The following DLGAP3 variants were observed in gnomAD, a reference collection of about 807,000 sequenced individuals.
The protein encoded by DLGAP3 is disks large-associated protein 3.
DLGAP3 carries 17 observed loss-of-function variants against 81.2 expected under a neutral mutation model. The observed-to-expected ratio is 0.21, with a 90% CI of 0.14 to 0.31. DLGAP3 has a LOEUF of 0.31. Ranked by LOEUF, DLGAP3 falls within the 10% of genes least tolerant of loss-of-function variation. The probability of loss-of-function intolerance (pLI) is 1.00; values close to 1 mark genes in which losing one functional copy is unlikely to be tolerated. For synonymous variants in DLGAP3, 577 were observed against 587.4 expected, an observed-to-expected ratio of 0.98 and a Z score of 0.26; for missense variants, 1,124 against 1,388.0, an observed-to-expected ratio of 0.81 and a Z score of 3.02.
intron 5 of DLGAP3, among the ~76,000 whole-genome samples, chr1:34,887,486 G>A (rs1018782712): frequency 6.6e-6 from 1 of 152,090 alleles, no homozygotes; most frequent in African/African-American, 2.4e-5. Context: ...ACCACCACAT[G>A]AAGACTAAAT....
chr1:34,886,297 G>A lies in DLGAP3; in HGVS notation c.1387-12C>T. On this transcript the variant is annotated splice_polypyrimidine_tract_variant and intron_variant, in intron 5 of 11. Transcript: ENST00000373347. ...AACTCATCGCTGAGCTGGGGGGCAGGGGGTCGGGAGGACAGTTATAAGGTG... is the reference window on the plus strand; with the variant it reads ...AACTCATCGCTGAGCTGGGGGGCAGAGGGTCGGGAGGACAGTTATAAGGTG... The A allele has an allele frequency of 3.2e-6, 5 of 1,561,536 alleles. No individual in the cohort carries two copies. The highest frequency in any genetic ancestry group is 4.3e-6 in the Non-Finnish European group (5 of 1,152,436).
rs1023644320 is a variant in DLGAP3, at chr1:34,902,953, C to T, written c.1107+1324G>A. ...GTTCCCAGCTTAGAGCACCTCCCTA[C>T]CCAGGGAGGGGGCAAACCAGGCCAA... On this transcript the variant is annotated intron_variant, in intron 3 of 11. Coordinates refer to ENST00000373347, the MANE Select transcript of DLGAP3 (RefSeq NM_001080418.3). The surrounding 1 kb of genome is among the most constrained non-coding windows in gnomAD (Gnocchi z 4.4). Among the ~76,000 whole-genome samples, 4 of 152,084 alleles carry T rather than the reference C, an allele frequency of 2.6e-5. No individual in the cohort carries two copies. Among genetic ancestry groups the T allele is most frequent in the Non-Finnish European group, 5.9e-5 (4 of 67,988 alleles).
intron 1 of DLGAP3, among the ~76,000 whole-genome samples, chr1:34,927,374 T>G (rs1639890842): frequency 6.6e-6 from 1 of 152,196 alleles, no homozygotes; most frequent in Non-Finnish European, 1.5e-5. Flanking sequence ...CCCTCCCTTC[T>G]TGGGGCTTCA....
At chr1:34,907,815 G>A (rs553780300) in intron 1 of DLGAP3, among the ~76,000 whole-genome samples, 59 of 152,252 alleles carry the variant, frequency 3.9e-4, no homozygotes, top group African/African-American at 1.4e-3. Context: ...TTTAAGAGTG[G>A]TCCCTGTCCT....
At chr1:34,875,635 A>G (rs1458804564) in intron 8 of DLGAP3, among the ~76,000 whole-genome samples, 1 of 152,138 alleles carries the variant, frequency 6.6e-6, no homozygotes, top group East Asian at 1.9e-4. Flanking sequence ...CAAAAATCCC[A>G]TTTTCTATGA....
rs1639921294 is a variant in DLGAP3 at position 34,929,330 on chromosome 1, G to T, written c.-135+121C>A. ...CAGCCCCTCCCCCCTCCCGGGGCCG[G>T]GAGCCGAGCGCCGGAGCCCGGGGCG... On this transcript the variant is annotated intron_variant, in intron 1 of 11. Coordinates refer to ENST00000373347, the MANE Select transcript of DLGAP3 (RefSeq NM_001080418.3). The surrounding 1 kb of genome is among the most constrained non-coding windows in gnomAD (Gnocchi z 6.5). The T allele has an allele frequency of 6.7e-6, 1 of 149,382 alleles. No individual in the cohort carries two copies. The highest frequency in any genetic ancestry group is 2.0e-4 in the East Asian group (1 of 5,108). 9.3% of individuals were successfully genotyped at this position (149,382 alleles called of 1,614,324 possible).
chr1:34,899,949 G>C, intron 4 of DLGAP3, 119 bp downstream of exon 4: 1 of 960,316 alleles, frequency 1.0e-6, no homozygotes, highest in Non-Finnish European at 1.6e-6. Context: ...AGTGGAGTGA[G>C]ACACCCCAGT....
At position 34,921,852 on chromosome 1, in the gene DLGAP3, C is replaced by T. The variant is rs570391494; in HGVS notation, c.-135+7599G>A. Among the ~76,000 whole-genome samples, 3 of 152,226 alleles carry T rather than the reference C, an allele frequency of 2.0e-5. No individual in the cohort carries two copies. The South Asian group carries it at 6.2e-4, about 32-fold the overall frequency. ...GCATGTATGTGCATGCTGACAAATC[C>T]CCGTGTTGGTATAGACACTCCTGTA... On this transcript the variant is annotated intron_variant, in intron 1 of 11. Transcript: ENST00000373347.
intron 1 of DLGAP3, among the ~76,000 whole-genome samples, chr1:34,913,891 C>T (rs963847408): frequency 2.0e-5 from 3 of 152,250 alleles, no homozygotes; most frequent in Admixed American, 6.5e-5. Context: ...TTTGTCTAGC[C>T]GCTCTGCTTA....
At chr1:34,905,493 C>A (rs945269615) in intron 2 of DLGAP3, 59 bp from the exon 3 acceptor site, 194 of 1,181,256 alleles carry the variant, frequency 1.6e-4, no homozygotes, top group Non-Finnish European at 2.1e-4. Context: ...CTAAAACCAT[C>A]TTTTATTAGG....
intron 1 of DLGAP3, among the ~76,000 whole-genome samples, chr1:34,912,405 T>C (rs1341510837): frequency 6.6e-6 from 1 of 152,208 alleles, no homozygotes; most frequent in Non-Finnish European, 1.5e-5. Context: ...AGTGATGCCT[T>C]GGGCCAAGAT....
intron 1 of DLGAP3, among the ~76,000 whole-genome samples, chr1:34,911,144 C>T (rs919152081): frequency 2.0e-5 from 3 of 151,320 alleles, no homozygotes; most frequent in South Asian, 2.1e-4. Flanking sequence ...CAGTGTTGGC[C>T]GATTCCAAAG....
chr1:34,875,994 G>A (rs1050951560), intron 8 of DLGAP3, among the ~76,000 whole-genome samples: 9 of 152,274 alleles, frequency 5.9e-5, no homozygotes, highest in African/African-American at 1.4e-4. Context: ...CCGGCACAGC[G>A]GCTACATCAT....
At position 34,905,513 on chromosome 1, in the gene DLGAP3, A is replaced by G; in HGVS notation, c.-51-79T>C. The G allele has an allele frequency of 3.1e-6, 3 of 981,436 alleles. No individual in the cohort carries two copies. The South Asian group carries it at 5.2e-5, about 17-fold the overall frequency. 60.8% of individuals were successfully genotyped at this position (981,436 alleles called of 1,614,324 possible). A position where few individuals can be genotyped will look rare whatever the true frequency, so the allele number is the denominator to read the frequency against. The stretch of plus-strand genomic sequence containing the variant: ...ACCATCTTTTATTAGGCATCCTTGT[A>G]TCCCTTTAGGTAATACATATCAATT... On this transcript the variant is annotated intron_variant, in intron 2 of 11. Coordinates refer to ENST00000373347, the MANE Select transcript of DLGAP3 (RefSeq NM_001080418.3).
chr1:34,894,668 A>AT (rs915605544), intron 5 of DLGAP3, among the ~76,000 whole-genome samples: 8 of 152,202 alleles, frequency 5.3e-5, no homozygotes, highest in African/African-American at 1.9e-4. Context: ...GGTAAAATAT[A>AT]TTTTTTGTTA....
intron 8 of DLGAP3, among the ~76,000 whole-genome samples, chr1:34,869,868 C>T (rs1036908346): frequency 3.3e-5 from 5 of 152,234 alleles, no homozygotes; most frequent in Non-Finnish European, 5.9e-5. Flanking sequence ...GATGAGTAAA[C>T]TAAGTAAACC....
rs1159348808 is a variant in DLGAP3, at chr1:34,869,005, C to T, written c.2085G>A (p.Thr695=). The T allele has an allele frequency of 3.1e-6, 5 of 1,605,398 alleles. No homozygotes were observed. Among genetic ancestry groups the T allele is most frequent in the African/African-American group, 1.3e-5 (1 of 74,866 alleles). ...LELEGLAGLA[T]VATEDKALQF... is the part of the protein sequence containing the mutation. Reference sequence around the variant, plus strand: ...GCAGGGCCTTGTCTTCTGTGGCCACCGTGGCCAGGCCTGCCAGGCCCTCCA... The same window carrying T: ...GCAGGGCCTTGTCTTCTGTGGCCACTGTGGCCAGGCCTGCCAGGCCCTCCA... The change falls in exon 9 of 12, where the codon ACG becomes ACA. Residue 695 remains threonine, a synonymous_variant. Transcript: ENST00000373347.
At position 34,895,917 on chromosome 1, in the gene DLGAP3, T is replaced by TACAC. The variant is rs34456104; in HGVS notation, c.1386+3748_1386+3751dup. On this transcript the variant is annotated intron_variant, in intron 5 of 11. Coordinates refer to ENST00000373347, the MANE Select transcript of DLGAP3 (RefSeq NM_001080418.3). This position sits in a 1 kb window ranked among gnomAD's most constrained non-coding sequence, Gnocchi z 4.5. The stretch of plus-strand genomic sequence containing the variant: ...CTGGACCCCTAACTTGAATCACACA[T>TACAC]ACACACACACACACACACACACACA... Among the ~76,000 whole-genome samples the TACAC allele has an allele frequency of 0.096, 13,795 of 144,446 alleles. 673 individuals carry two copies. The highest frequency in any genetic ancestry group is 0.16 in the Middle Eastern group (45 of 288). The allele number at this position is 144,446 out of a possible 152,430, so 94.8% of individuals were successfully genotyped here.
At chr1:34,893,431 C>G (rs1639344305) in intron 5 of DLGAP3, among the ~76,000 whole-genome samples, 1 of 152,154 alleles carries the variant, frequency 6.6e-6, no homozygotes. Context: ...CCAATGGTAA[C>G]TCAAATACAG....
Sources: gnomAD v4.1 joint callset for allele counts (sites outside exome capture counted in the v4.1 genomes callset) on GRCh38, gnomAD v4.1.1 for gene constraint, Gnocchi (gnomAD v3.1) non-coding constraint, MANE v1.5 for transcripts, NCBI Gene and HGNC (gene_info 2026-07-23, HGNC 2026-07-21) for gene names.